Variants in CCDC6 observed in about 807,000 individuals in gnomAD.
The protein encoded by CCDC6 is coiled-coil domain-containing protein 6.
In CCDC6, 20 loss-of-function variants were observed where a neutral mutation model predicts 56.6. The observed-to-expected ratio is 0.35, with a 90% confidence interval of 0.25 to 0.51. CCDC6 has a LOEUF of 0.51. CCDC6 is among the 20% of genes least tolerant of loss of function. The pLI, the probability that CCDC6 is intolerant of heterozygous loss-of-function variation, is 0.95. For missense variants in CCDC6, 367 were observed against 601.1 expected (o/e 0.61, Z 4.07); for synonymous variants, 241 against 234.4 (o/e 1.03, Z -0.26).
chr10:59,864,585 C>G (rs1452537172), intron 1 of CCDC6, among the ~76,000 whole-genome samples: 1 of 152,134 alleles, frequency 6.6e-6, no homozygotes, highest in Non-Finnish European at 1.5e-5. Flanking sequence ...CAAGCTTACT[C>G]AATCAGTTAC....
chr10:59,862,570 T>TACACACACAC (rs907275659), intron 1 of CCDC6, among the ~76,000 whole-genome samples: 77 of 96,326 alleles, frequency 8.0e-4, no homozygotes, highest in Admixed American at 1.4e-3. Context: ...TATATACACA[T>TACACACACAC]ACACACACAC....
intron 7 of CCDC6, among the ~76,000 whole-genome samples, chr10:59,802,868 T>G (rs540204322): frequency 6.6e-6 from 1 of 152,384 alleles, no homozygotes; most frequent in Non-Finnish European, 1.5e-5. Flanking sequence ...GGAAATTACA[T>G]GCCTCTAAGG....
intron 2 of CCDC6, among the ~76,000 whole-genome samples, 169 bp downstream of exon 2, chr10:59,852,384 A>C (rs1428955026): frequency 6.6e-6 from 1 of 152,226 alleles, no homozygotes; most frequent in Non-Finnish European, 1.5e-5. Context: ...AGAAAACCAC[A>C]GTCTTGACTA....
chr10:59,809,630 T>C (rs890955239), intron 5 of CCDC6, among the ~76,000 whole-genome samples: 2 of 152,122 alleles, frequency 1.3e-5, no homozygotes, highest in African/African-American at 2.4e-5. Flanking sequence ...CAGAACTCCC[T>C]AGTACTTAGG....
At chr10:59,860,684 C>T (rs1254824141) in intron 1 of CCDC6, among the ~76,000 whole-genome samples, 1 of 152,116 alleles carries the variant, frequency 6.6e-6, no homozygotes, top group Non-Finnish European at 1.5e-5. Flanking sequence ...AAACCCAACT[C>T]AATTACTGAT....
chr10:59,863,102 G>A (rs777168258), intron 1 of CCDC6, among the ~76,000 whole-genome samples: 5 of 151,756 alleles, frequency 3.3e-5, no homozygotes, highest in Admixed American at 6.6e-5. Context: ...GAAAGAAGCT[G>A]CAAAAAAAAT....
chr10:59,893,098 C>G (rs1280934978), intron 1 of CCDC6, among the ~76,000 whole-genome samples: 1 of 152,206 alleles, frequency 6.6e-6, no homozygotes, highest in African/African-American at 2.4e-5. Flanking sequence ...TCCAGACACA[C>G]AAAATACATT....
chr10:59,896,466 T>A (rs1367357542), intron 1 of CCDC6, among the ~76,000 whole-genome samples: 1 of 152,102 alleles, frequency 6.6e-6, no homozygotes, highest in Non-Finnish European at 1.5e-5. Context: ...ATGGGACAGC[T>A]AACAGGCAGT....
intron 1 of CCDC6, among the ~76,000 whole-genome samples, chr10:59,871,042 T>TA (rs2071224688): frequency 1.3e-5 from 2 of 152,194 alleles, no homozygotes; most frequent in African/African-American, 4.8e-5. Flanking sequence ...TCGCCTGAGA[T>TA]ACAGTAAATT....
chr10:59,833,616 C>A (rs558521473), intron 2 of CCDC6, among the ~76,000 whole-genome samples: 1 of 109,766 alleles, frequency 9.1e-6, no homozygotes, highest in Non-Finnish European at 1.7e-5. Context: ...AATAATCGCG[C>A]GTTATTTTTA....
intron 1 of CCDC6, among the ~76,000 whole-genome samples, chr10:59,877,314 T>C (rs2071292725): frequency 3.3e-5 from 5 of 152,172 alleles, no homozygotes; most frequent in Admixed American, 3.3e-4. Flanking sequence ...GAGTAGGATG[T>C]CTGCGATCAT....
rs754227669 is a variant in CCDC6 at position 59,806,906 on chromosome 10, TA to T, written c.1004+15del. On this transcript the variant is annotated intron_variant, in intron 6 of 8. Coordinates refer to ENST00000263102, the MANE Select transcript of CCDC6 (RefSeq NM_005436.5). ...ATTTTTTAAACAAAAACAAGGCTCA[TA>T]AGACATGCACACACCTTTCGTCGTC... 2.5e-6 allele frequency: 4 copies of T among 1,606,004 alleles called. No homozygotes were observed. In the South Asian group the frequency reaches 4.4e-5, roughly 18 times the overall value.
chr10:59,799,407 C>T (rs896086862), intron 7 of CCDC6, among the ~76,000 whole-genome samples: 1 of 152,162 alleles, frequency 6.6e-6, no homozygotes, highest in South Asian at 2.1e-4. Flanking sequence ...GCCTGGGCAA[C>T]AGAGCAAGAC....
In CCDC6 at chr10:59,792,891, C is replaced by A. The variant is rs748030567; in HGVS notation, c.*26G>T. 1 of 1,609,274 alleles carries A rather than the reference C, an allele frequency of 6.2e-7. No homozygotes were observed. Among genetic ancestry groups the A allele is most frequent in the South Asian group, 1.1e-5 (1 of 90,808 alleles). ...GACGGCTCCATTGGATGAGTCCCAA[C>A]TTGAAATTCAGACTAAGCTCATGCA... On this transcript the variant is annotated 3_prime_UTR_variant, in exon 9 of 9. Coordinates refer to ENST00000263102, the MANE Select transcript of CCDC6 (RefSeq NM_005436.5).
intron 7 of CCDC6, among the ~76,000 whole-genome samples, chr10:59,797,587 GCAAA>G (rs2070532016): frequency 6.6e-5 from 2 of 30,170 alleles, no homozygotes; most frequent in African/African-American, 2.1e-4. Context: ...GAACCTCCTA[GCAAA>G]AAAAAAAAAA....
intron 1 of CCDC6, among the ~76,000 whole-genome samples, chr10:59,903,123 T>TA (rs1429143296): frequency 3.3e-5 from 5 of 151,138 alleles, no homozygotes; most frequent in East Asian, 1.9e-4. Flanking sequence ...AAGGAGAGAG[T>TA]AAAAAAAATC....
At chr10:59,824,428 A>G (rs2070770443) in intron 3 of CCDC6, among the ~76,000 whole-genome samples, 1 of 152,100 alleles carries the variant, frequency 6.6e-6, no homozygotes, top group African/African-American at 2.4e-5. Flanking sequence ...ATCAGCTATT[A>G]TCTGAGGTTT....
intron 2 of CCDC6, among the ~76,000 whole-genome samples, chr10:59,838,099 A>G (rs887029448): frequency 6.6e-6 from 1 of 152,112 alleles, no homozygotes; most frequent in Non-Finnish European, 1.5e-5. Context: ...GTACTTCATC[A>G]CTAAGGGCTT....
chr10:59,876,625 C>A (rs2071284132), intron 1 of CCDC6, among the ~76,000 whole-genome samples: 1 of 150,086 alleles, frequency 6.7e-6, no homozygotes, highest in Admixed American at 6.6e-5. Flanking sequence ...CCAAAAGTAG[C>A]CCTGCTTCCA....
Sources: gnomAD v4.1 joint callset for allele counts (sites outside exome capture counted in the v4.1 genomes callset) on GRCh38, gnomAD v4.1.1 for gene constraint, MANE v1.5 for transcripts, NCBI Gene and HGNC (gene_info 2026-07-23, HGNC 2026-07-21) for gene names.